The following ABCB5 variants were observed in gnomAD, a reference collection of about 807,000 sequenced individuals.
ABCB5 encodes the protein ATP binding cassette subfamily B member 5, also known as ATP-binding cassette sub-family B member 5.
Under a neutral mutation model 144.2 loss-of-function variants are expected in ABCB5, and 155 were observed. The ratio of observed to expected loss-of-function variants is 1.08; its 90% confidence interval spans 0.94 to 1.23. ABCB5 has a LOEUF of 1.23. Ranked by LOEUF, ABCB5 falls within the 50% of genes most tolerant of loss-of-function variation. ABCB5 has a pLI of 0.00. For missense variants in ABCB5, 1,830 were observed against 1,520.8 expected, an observed-to-expected ratio of 1.20 and a Z score of -3.38; for synonymous variants, 610 against 528.6, an observed-to-expected ratio of 1.15 and a Z score of -2.11.
chr7:20,632,197 G>A (rs1784054864), intron 5 of ABCB5, 84 bp downstream of exon 5: 5 of 867,130 alleles, frequency 5.8e-6, no homozygotes, highest in South Asian at 1.9e-5. Context: ...CTGAAATTTT[G>A]TATGACCATT....
chr7:20,667,480 T>G (rs1444085800), intron 14 of ABCB5: 1 of 983,410 alleles, frequency 1.0e-6, no homozygotes, highest in Non-Finnish European at 1.2e-6. Flanking sequence ...CTTTATATTC[T>G]GTCCTCTCAA....
chr7:20,622,405 T>C (rs374754682), intron 1 of ABCB5, among the ~76,000 whole-genome samples: 2 of 152,136 alleles, frequency 1.3e-5, no homozygotes, highest in Admixed American at 1.3e-4. Flanking sequence ...GCTGTATTTG[T>C]ATTATGCCTT....
chr7:20,735,259 G>T (rs1051109783), intron 23 of ABCB5, among the ~76,000 whole-genome samples: 4 of 152,152 alleles, frequency 2.6e-5, no homozygotes, highest in African/African-American at 9.7e-5. Flanking sequence ...ACCAAATGCA[G>T]TTCTTGACAA....
chr7:20,650,470 G>C (rs962868598), intron 12 of ABCB5, among the ~76,000 whole-genome samples: 27 of 151,998 alleles, frequency 1.8e-4, no homozygotes, highest in African/African-American at 6.5e-4. Context: ...GAATGTTGTG[G>C]AGAAAAATAG....
At position 20,717,883 on chromosome 7, in the gene ABCB5, C is replaced by CTTTTTT. The variant is rs574592723; in HGVS notation, c.2422-5102_2422-5097dup. On this transcript the variant is annotated intron_variant, in intron 20 of 27. Coordinates refer to ENST00000404938, the MANE Select transcript of ABCB5 (RefSeq NM_001163941.2). The stretch of plus-strand genomic sequence containing the variant: ...AATACGGTAACATTCTTGTAACATT[C>CTTTTTT]TTTTTTTTTTTTTTTTTTTTTTTTT... 3.0e-4 allele frequency among the ~76,000 whole-genome samples: 13 copies of CTTTTTT among 43,274 alleles called. 5 individuals carry two copies. Among genetic ancestry groups the CTTTTTT allele is most frequent in the Non-Finnish European group, 4.7e-4 (10 of 21,290 alleles). 28.4% of individuals were successfully genotyped at this position (43,274 alleles called of 152,430 possible). A position where few individuals can be genotyped will look rare whatever the true frequency, so the allele number is the denominator to read the frequency against.
At chr7:20,709,655 C>T (rs944514928) in intron 20 of ABCB5, among the ~76,000 whole-genome samples, 1 of 149,988 alleles carries the variant, frequency 6.7e-6, no homozygotes, top group Admixed American at 6.6e-5. Context: ...ATTCTAACCA[C>T]GTCACTGAGA....
intron 14 of ABCB5, among the ~76,000 whole-genome samples, chr7:20,670,076 A>G (rs1016643909): frequency 2.0e-4 from 31 of 152,238 alleles, no homozygotes; most frequent in African/African-American, 7.5e-4. Context: ...CTTTAAAACT[A>G]TCAAGTTTAT....
intron 20 of ABCB5, among the ~76,000 whole-genome samples, chr7:20,709,813 G>A (rs1028262703): frequency 1.3e-5 from 2 of 149,706 alleles, no homozygotes; most frequent in African/African-American, 4.9e-5. Context: ...GGGCAAGGTG[G>A]CTCACACCTG....
chr7:20,741,017 C>T lies in ABCB5; in HGVS notation c.3025-1860C>T, dbSNP rs950185216. Among the ~76,000 whole-genome samples the T allele has an allele frequency of 2.6e-4, 40 of 150,968 alleles. 2 individuals carry two copies. Among genetic ancestry groups the T allele is most frequent in the African/African-American group, 8.5e-4 (35 of 41,040 alleles). ...GCTCGGGAGGCCGAGGCAGGAGGAT[C>T]GCTTGAACCTGGGAGGCAGAGATTG... On this transcript the variant is annotated intron_variant, in intron 24 of 27. Coordinates refer to ENST00000404938, the MANE Select transcript of ABCB5 (RefSeq NM_001163941.2).
At chr7:20,730,833 T>C (rs1350711096) in intron 23 of ABCB5, among the ~76,000 whole-genome samples, 1 of 152,216 alleles carries the variant, frequency 6.6e-6, no homozygotes, top group Non-Finnish European at 1.5e-5. Flanking sequence ...ACTCAAAACA[T>C]GTTTTCCTCA....
intron 23 of ABCB5, among the ~76,000 whole-genome samples, chr7:20,731,181 C>T (rs529903497): frequency 6.6e-6 from 1 of 151,644 alleles, no homozygotes; most frequent in East Asian, 1.9e-4. Flanking sequence ...GGTGAAACCC[C>T]GTCTCTACTA....
chr7:20,630,892 T>C (rs865913823), intron 4 of ABCB5, among the ~76,000 whole-genome samples: 1 of 152,204 alleles, frequency 6.6e-6, no homozygotes, highest in Non-Finnish European at 1.5e-5. Flanking sequence ...CCTGGTTTTA[T>C]TGAATGTGGT....
chr7:20,676,834 A>G (rs1785629487), intron 14 of ABCB5, among the ~76,000 whole-genome samples: 2 of 152,226 alleles, frequency 1.3e-5, no homozygotes, highest in South Asian at 2.1e-4. Context: ...TGAAGAATAT[A>G]AGACTTAGGG....
chr7:20,657,945 T>C (rs1256454646), intron 13 of ABCB5, among the ~76,000 whole-genome samples: 1 of 152,178 alleles, frequency 6.6e-6, no homozygotes, highest in Non-Finnish European at 1.5e-5. Context: ...CTACCACAAA[T>C]ATGGAAGACA....
intron 16 of ABCB5, among the ~76,000 whole-genome samples, chr7:20,691,167 A>C (rs1016181990): frequency 6.7e-4 from 56 of 83,304 alleles, no homozygotes; most frequent in South Asian, 1.1e-3. Flanking sequence ...AACCCAGTGG[A>C]CTTTTTTTTT....
At position 20,727,118 on chromosome 7, in the gene ABCB5, G is replaced by A; in HGVS notation, c.2704G>A (p.Glu902Lys). ...AAAAGCCTTCGAGCAAATGTATGAA[G>A]AGATGCTTCAGACTCAACACAGGTG... ...REKAFEQMYE[E>K]MLQTQHRNTS... The change falls in exon 22 of 28, where the codon GAG becomes AAG. Residue 902 changes from glutamate to lysine, a missense_variant. By Grantham distance (56) the Glu-to-Lys change is moderately conservative (BLOSUM62 1). Coordinates refer to ENST00000404938, the MANE Select transcript of ABCB5 (RefSeq NM_001163941.2). 1 of 1,613,520 alleles carries A rather than the reference G, an allele frequency of 6.2e-7. No homozygotes were observed. The highest frequency in any genetic ancestry group is 1.7e-5 in the Admixed American group (1 of 59,988).
intron 20 of ABCB5, among the ~76,000 whole-genome samples, chr7:20,711,840 C>CTTTCTTTCTTTCTT (rs1562573756): frequency 1.8e-5 from 1 of 54,748 alleles, no homozygotes; most frequent in Non-Finnish European, 2.9e-5. Flanking sequence ...TTCTTTCTTT[C>CTTTCTTTCTTTCTT]TTTCTTTTCT....
rs1003359681 is a variant in ABCB5 at position 20,720,587 on chromosome 7, T to C, written c.2422-2429T>C. Among the ~76,000 whole-genome samples, 4 of 151,964 alleles carry C rather than the reference T, an allele frequency of 2.6e-5. No homozygotes were observed. The South Asian group carries it at 8.3e-4, about 32-fold the overall frequency. On this transcript the variant is annotated intron_variant, in intron 20 of 27. Coordinates refer to ENST00000404938, the MANE Select transcript of ABCB5 (RefSeq NM_001163941.2). ...GAGGAAATATCAGATAAGCTAAAAT[T>C]GAGAAATTTCTACCAGATATCTGGC...
chr7:20,663,727 T>C (rs1476626693), intron 14 of ABCB5, among the ~76,000 whole-genome samples: 35 of 149,162 alleles, frequency 2.3e-4, no homozygotes, highest in Admixed American at 2.3e-3. Flanking sequence ...TTTTTTTTTT[T>C]TTTTTTGAGA....
Sources: gnomAD v4.1 joint callset for allele counts (sites outside exome capture counted in the v4.1 genomes callset) on GRCh38, gnomAD v4.1.1 for gene constraint, MANE v1.5 for transcripts, NCBI Gene and HGNC (gene_info 2026-07-23, HGNC 2026-07-21) for gene names.